Variants in CTNNA2 observed in about 807,000 individuals in gnomAD.
The protein encoded by CTNNA2 is catenin alpha-2.
CTNNA2 carries 42 observed loss-of-function variants against 101.0 expected under a neutral mutation model. The observed-to-expected ratio is 0.42, with a 90% confidence interval of 0.32 to 0.54. The LOEUF (loss-of-function observed/expected upper bound fraction) is 0.54, where lower values mean the gene tolerates loss of function less well. Among genes scored for constraint, CTNNA2 ranks in the 20% least tolerant of loss-of-function variants. The pLI, the probability that CTNNA2 is intolerant of heterozygous loss-of-function variation, is 0.14. For synonymous variants in CTNNA2, 450 were observed against 456.4 expected (o/e 0.99, Z 0.18); for missense variants, 871 against 1,223.1 (o/e 0.71, Z 4.29).
chr2:79,729,462 T>C (rs985057026), intron 2 of CTNNA2, among the ~76,000 whole-genome samples: 1 of 152,148 alleles, frequency 6.6e-6, no homozygotes, highest in Non-Finnish European at 1.5e-5. Flanking sequence ...CCCGTGCTGC[T>C]TCCTCTCACT....
At chr2:79,997,028 T>C in intron 7 of CTNNA2, among the ~76,000 whole-genome samples, 1 of 151,994 alleles carries the variant, frequency 6.6e-6, no homozygotes, top group Admixed American at 6.6e-5. Context: ...CAGGTCAAAA[T>C]CCGCCCAGCA....
chr2:79,670,477 T>A (rs1682761194), intron 2 of CTNNA2, among the ~76,000 whole-genome samples: 1 of 151,926 alleles, frequency 6.6e-6, no homozygotes, highest in Non-Finnish European at 1.5e-5. Context: ...CTCCATGGAG[T>A]GTGCAGACCC....
chr2:79,372,601 A>C (rs1281828054), intron 3 of CTNNA2, among the ~76,000 whole-genome samples: 1 of 152,236 alleles, frequency 6.6e-6, no homozygotes, highest in African/African-American at 2.4e-5. Flanking sequence ...TGGTGATAGA[A>C]TATGACAAAG....
intron 9 of CTNNA2, among the ~76,000 whole-genome samples, chr2:80,527,894 T>C (rs1690175747): frequency 6.6e-6 from 1 of 152,178 alleles, no homozygotes; most frequent in African/African-American, 2.4e-5. Flanking sequence ...AATGCCCACG[T>C]CTTGTCCATA....
At chr2:80,584,581 A>G (rs952237755) in intron 14 of CTNNA2, among the ~76,000 whole-genome samples, 1 of 152,020 alleles carries the variant, frequency 6.6e-6, no homozygotes, top group Non-Finnish European at 1.5e-5. Flanking sequence ...AAAATAGGTT[A>G]GTGACAATTG....
intron 3 of CTNNA2, among the ~76,000 whole-genome samples, chr2:79,850,136 C>T (rs2103897216): frequency 6.6e-6 from 1 of 152,030 alleles, no homozygotes; most frequent in Non-Finnish European, 1.5e-5. Flanking sequence ...TTGTTTAGGT[C>T]CTTGTTCCTT....
rs1688884677 is a variant in CTNNA2, at chr2:80,513,650, TG to T, written c.1291-31330del. On this transcript the variant is annotated intron_variant, in intron 9 of 18. Coordinates refer to ENST00000402739, the MANE Select transcript of CTNNA2 (RefSeq NM_001282597.3). ...TCCATCTTTCTTGTCACATGATAGA[TG>T]GAACGCATAGTCTGGAGGGTCTCAA... Among the ~76,000 whole-genome samples, 4 of 152,358 alleles carry T rather than the reference TG, an allele frequency of 2.6e-5. No individual in the cohort carries two copies. The South Asian group carries it at 8.3e-4, about 32-fold the overall frequency.
intron 4 of CTNNA2, among the ~76,000 whole-genome samples, chr2:79,397,910 AT>A (rs1469253984): frequency 1.3e-5 from 2 of 152,078 alleles, no homozygotes; most frequent in Non-Finnish European, 2.9e-5. Context: ...TTCCCTTTGA[AT>A]CTAGGTCCAG....
intron 9 of CTNNA2, among the ~76,000 whole-genome samples, chr2:80,525,187 T>G (rs1270729572): frequency 6.6e-6 from 1 of 151,962 alleles, no homozygotes; most frequent in Non-Finnish European, 1.5e-5. Context: ...GGGGCAGGAT[T>G]GCACAGCTAG....
chr2:80,039,565 C>G (rs1695899160), intron 7 of CTNNA2, among the ~76,000 whole-genome samples: 1 of 152,200 alleles, frequency 6.6e-6, no homozygotes, highest in East Asian at 1.9e-4. Context: ...GGAGGGATGG[C>G]TGACCTACCG....
chr2:79,286,076 C>T (rs996531838), intron 2 of CTNNA2, among the ~76,000 whole-genome samples: 1 of 151,368 alleles, frequency 6.6e-6, no homozygotes, highest in African/African-American at 2.4e-5. Context: ...AGGATTGCAA[C>T]CCCTGCCTTT....
intron 7 of CTNNA2, among the ~76,000 whole-genome samples, chr2:80,327,344 G>A (rs1670904468): frequency 6.6e-6 from 1 of 152,166 alleles, no homozygotes; most frequent in Non-Finnish European, 1.5e-5. Context: ...ACACAGGATG[G>A]GAATGGATTT....
chr2:79,468,636 A>T (rs1331217467), intron 4 of CTNNA2, among the ~76,000 whole-genome samples: 9 of 152,266 alleles, frequency 5.9e-5, no homozygotes, highest in Middle Eastern at 3.4e-3. Flanking sequence ...GAAGTAAAGC[A>T]CTCCTCAGCA....
At chr2:80,535,485 C>T (rs560691493) in intron 9 of CTNNA2, among the ~76,000 whole-genome samples, 79 of 152,202 alleles carry the variant, frequency 5.2e-4, no homozygotes, top group African/African-American at 1.7e-3. Context: ...TATTTTATAA[C>T]TGAGACACAA....
chr2:79,324,945 G>A (rs1004849675), intron 3 of CTNNA2, among the ~76,000 whole-genome samples: 14 of 152,108 alleles, frequency 9.2e-5, no homozygotes, highest in Non-Finnish European at 1.6e-4. Flanking sequence ...GGCCAGGTTC[G>A]GCAGAGTATG....
At chr2:79,988,102 T>C (rs13389996) in intron 7 of CTNNA2, among the ~76,000 whole-genome samples, 18,522 of 152,186 alleles carry the variant, frequency 0.12, 1,259 homozygotes, top group South Asian at 0.21. Context: ...CCCCCAAGAA[T>C]TGGGTTATGG....
chr2:80,047,821 A>G (rs943961321), intron 7 of CTNNA2, among the ~76,000 whole-genome samples: 12 of 152,228 alleles, frequency 7.9e-5, no homozygotes, highest in Non-Finnish European at 1.2e-4. Context: ...AAGAACACAC[A>G]TAGAAGACAA....
intron 7 of CTNNA2, among the ~76,000 whole-genome samples, chr2:80,349,923 G>C (rs1673127550): frequency 6.6e-6 from 1 of 152,080 alleles, no homozygotes; most frequent in Non-Finnish European, 1.5e-5. Flanking sequence ...TTGAAATTGT[G>C]ATGGCTAGTC....
chr2:79,475,579 A>G (rs1287104961), intron 4 of CTNNA2, among the ~76,000 whole-genome samples: 1 of 152,168 alleles, frequency 6.6e-6, no homozygotes, highest in Non-Finnish European at 1.5e-5. Flanking sequence ...TGTACTATGA[A>G]GCATTACCAA....
Sources: gnomAD v4.1 joint callset for allele counts (sites outside exome capture counted in the v4.1 genomes callset) on GRCh38, gnomAD v4.1.1 for gene constraint, MANE v1.5 for transcripts, NCBI Gene and HGNC (gene_info 2026-07-23, HGNC 2026-07-21) for gene names.